TMEM135: variants seen among roughly 807,000 people sequenced by gnomAD.
TMEM135 encodes transmembrane protein 135.
TMEM135 carries 30 observed loss-of-function variants against 60.3 expected under a neutral mutation model. That is an observed-to-expected ratio of 0.50 (90% confidence interval 0.37 to 0.68). TMEM135 has a LOEUF of 0.68. TMEM135 is among the 30% of genes least tolerant of loss of function. The pLI, the probability that TMEM135 is intolerant of heterozygous loss-of-function variation, is 0.00. For missense variants in TMEM135, 468 were observed against 548.8 expected (o/e 0.85, Z 1.47); for synonymous variants, 190 against 186.7 (o/e 1.02, Z -0.14).
At chr11:87,138,621 G>C (rs546906955) in intron 4 of TMEM135, among the ~76,000 whole-genome samples, 19 of 152,140 alleles carry the variant, frequency 1.2e-4, no homozygotes, top group African/African-American at 4.1e-4. Context: ...AAGTGGCAGA[G>C]GTATATTAGT....
intron 5 of TMEM135, among the ~76,000 whole-genome samples, chr11:87,171,873 T>C (rs1183639426): frequency 6.6e-6 from 1 of 152,236 alleles, no homozygotes; most frequent in East Asian, 1.9e-4. Context: ...CCCTCCCATG[T>C]GCAGTTCAAA....
intron 4 of TMEM135, among the ~76,000 whole-genome samples, chr11:87,113,919 T>G (rs1186653389): frequency 6.6e-6 from 1 of 152,056 alleles, no homozygotes; most frequent in Non-Finnish European, 1.5e-5. Context: ...GACGTACTAG[T>G]GCATAGGAAG....
chr11:87,094,138 A>G (rs1857270511), intron 4 of TMEM135, among the ~76,000 whole-genome samples: 1 of 152,188 alleles, frequency 6.6e-6, no homozygotes, highest in Admixed American at 6.5e-5. Context: ...CTAAAATAAT[A>G]GACTCTGGGT....
At chr11:87,247,082 C>G (rs147576904) in intron 6 of TMEM135, among the ~76,000 whole-genome samples, 204 of 150,058 alleles carry the variant, frequency 1.4e-3, no homozygotes, top group African/African-American at 4.8e-3. Flanking sequence ...ACAGGACGCT[C>G]AGCTGCAGGT....
intron 1 of TMEM135, among the ~76,000 whole-genome samples, chr11:87,062,809 A>T (rs1392060689): frequency 6.6e-6 from 1 of 152,162 alleles, no homozygotes; most frequent in Non-Finnish European, 1.5e-5. Flanking sequence ...GAAAAAATGA[A>T]CAGTTTTGTT....
At chr11:87,222,098 C>T (rs1940632871) in intron 5 of TMEM135, among the ~76,000 whole-genome samples, 2 of 136,000 alleles carry the variant, frequency 1.5e-5, no homozygotes, top group Admixed American at 8.5e-5. Context: ...AGGAGAATGG[C>T]GTGAACCCGG....
At chr11:87,148,138 C>T (rs1051089335) in intron 4 of TMEM135, among the ~76,000 whole-genome samples, 1 of 152,166 alleles carries the variant, frequency 6.6e-6, no homozygotes, top group Non-Finnish European at 1.5e-5. Context: ...TAGTATTAAT[C>T]ATCTTAGATG....
intron 4 of TMEM135, among the ~76,000 whole-genome samples, chr11:87,124,138 A>G (rs890107838): frequency 6.6e-6 from 1 of 152,158 alleles, no homozygotes; most frequent in Non-Finnish European, 1.5e-5. Context: ...TTTCACGTCT[A>G]ATTTAGTTGC....
At chr11:87,119,879 CT>C (rs71465947) in intron 4 of TMEM135, among the ~76,000 whole-genome samples, 22 of 136,404 alleles carry the variant, frequency 1.6e-4, no homozygotes, top group Admixed American at 2.2e-4. Flanking sequence ...CAAACCTTTA[CT>C]TTTTTAAAAA....
At chr11:87,250,923 A>G (rs955785891) in intron 6 of TMEM135, among the ~76,000 whole-genome samples, 1 of 152,190 alleles carries the variant, frequency 6.6e-6, no homozygotes, top group Non-Finnish European at 1.5e-5. Flanking sequence ...GCAGTTATCC[A>G]GCAGAGAAAT....
At chr11:87,174,529 A>T (rs1939320486) in intron 5 of TMEM135, among the ~76,000 whole-genome samples, 1 of 152,158 alleles carries the variant, frequency 6.6e-6, no homozygotes, top group Non-Finnish European at 1.5e-5. Context: ...CAGCAATTCA[A>T]ATATAGCAGT....
At chr11:87,194,740 T>C (rs1591093416) in intron 5 of TMEM135, among the ~76,000 whole-genome samples, 1 of 132,972 alleles carries the variant, frequency 7.5e-6, no homozygotes, top group Admixed American at 7.3e-5. Context: ...CAGTAGTTGC[T>C]GTAAGTATGG....
chr11:87,113,314 T>C (rs1436154461), intron 4 of TMEM135, among the ~76,000 whole-genome samples: 1 of 152,042 alleles, frequency 6.6e-6, no homozygotes, highest in East Asian at 1.9e-4. Context: ...GGAAGAAAAA[T>C]TGAAAAGGAA....
chr11:87,173,516 A>G (rs1939292943), intron 5 of TMEM135, among the ~76,000 whole-genome samples: 1 of 152,318 alleles, frequency 6.6e-6, no homozygotes, highest in Admixed American at 6.5e-5. Context: ...TCTTCTGTAA[A>G]CAGACCAGCA....
intron 5 of TMEM135, among the ~76,000 whole-genome samples, chr11:87,202,730 T>TAAAAAA (rs201573717): frequency 1.5e-5 from 2 of 134,412 alleles, no homozygotes; most frequent in Non-Finnish European, 3.2e-5. Context: ...TAAAAGACTT[T>TAAAAAA]AAAAAAAAAA....
chr11:87,238,385 G>A (rs10898624), intron 6 of TMEM135, among the ~76,000 whole-genome samples: 16,556 of 152,006 alleles, frequency 0.11, 1,632 homozygotes, highest in African/African-American at 0.26. Flanking sequence ...GAGACAGCCA[G>A]GCTTTTAGAA....
At chr11:87,185,913 C>CTTTTCTTTTTTTTTT (rs1555115465) in intron 5 of TMEM135, among the ~76,000 whole-genome samples, 1 of 138,854 alleles carries the variant, frequency 7.2e-6, no homozygotes, top group Non-Finnish European at 1.6e-5. Context: ...AGTTATCCTT[C>CTTTTCTTTTTTTTTT]TTTTTTTTTT....
rs576416817 is a variant in TMEM135, at chr11:87,218,760, G to A, written c.463-17878G>A. Among the ~76,000 whole-genome samples the A allele has an allele frequency of 9.2e-5, 14 of 152,226 alleles. No individual in the cohort carries two copies. The South Asian group carries it at 1.0e-3, about 11-fold the overall frequency. On this transcript the variant is annotated intron_variant, in intron 5 of 14. Coordinates refer to ENST00000305494, the MANE Select transcript of TMEM135 (RefSeq NM_022918.4). ...GTGGATCACTTGGGGTCAGGAGTTCGAGATCAGCCCGGCCAATATGGTGAA... is the reference window on the plus strand; with the variant it reads ...GTGGATCACTTGGGGTCAGGAGTTCAAGATCAGCCCGGCCAATATGGTGAA...
chr11:87,193,097 T>C (rs1050409898), intron 5 of TMEM135, among the ~76,000 whole-genome samples: 1 of 151,604 alleles, frequency 6.6e-6, no homozygotes, highest in Non-Finnish European at 1.5e-5. Context: ...CCTGGGTGAC[T>C]CCATCTCAAA....
Sources: gnomAD v4.1 joint callset for allele counts (sites outside exome capture counted in the v4.1 genomes callset) on GRCh38, gnomAD v4.1.1 for gene constraint, MANE v1.5 for transcripts, NCBI Gene and HGNC (gene_info 2026-07-23, HGNC 2026-07-21) for gene names.